Variants in SHQ1 observed in about 807,000 individuals in gnomAD.
SHQ1 encodes protein SHQ1 homolog.
SHQ1 carries 49 observed loss-of-function variants against 53.8 expected under a neutral mutation model. The observed-to-expected ratio is 0.91, with a 90% CI of 0.72 to 1.16. SHQ1 has a LOEUF of 1.16. SHQ1 is among the 50% of genes most tolerant of loss of function. SHQ1 has a pLI of 0.00. For missense variants in SHQ1, 738 were observed against 683.1 expected (o/e 1.08, Z -0.90); for synonymous variants, 243 against 251.0 (o/e 0.97, Z 0.30).
intron 6 of SHQ1, among the ~76,000 whole-genome samples, chr3:72,820,774 A>C (rs1707452551): frequency 1.3e-5 from 2 of 152,190 alleles, no homozygotes; most frequent in South Asian, 2.1e-4. Context: ...TCTCCAGTGA[A>C]ACAAAAGTCA....
intron 10 of SHQ1, among the ~76,000 whole-genome samples, chr3:72,761,350 T>G (rs1267213654): frequency 6.6e-6 from 1 of 152,044 alleles, no homozygotes; most frequent in Non-Finnish European, 1.5e-5. Context: ...TTATAAATTT[T>G]TTGTAGTGAC....
At chr3:72,771,090 G>A (rs1705839144) in intron 10 of SHQ1, among the ~76,000 whole-genome samples, 1 of 152,116 alleles carries the variant, frequency 6.6e-6, no homozygotes, top group African/African-American at 2.4e-5. Context: ...GGTATCTAGT[G>A]GAAGAGTACA....
At position 72,749,845 on chromosome 3, in the gene SHQ1, T is replaced by C; in HGVS notation, c.*439A>G. 8.9e-6 allele frequency: 2 copies of C among 224,746 alleles called. No individual in the cohort carries two copies. Among genetic ancestry groups the C allele is most frequent in the Non-Finnish European group, 1.8e-5 (2 of 112,974 alleles). 13.9% of individuals were successfully genotyped at this position (224,746 alleles called of 1,614,324 possible). On this transcript the variant is annotated 3_prime_UTR_variant, in exon 11 of 11. Coordinates refer to ENST00000325599, the MANE Select transcript of SHQ1 (RefSeq NM_018130.3). ...TAAACATTCATTGGTTGAAAAACAATGTCATAAAGTTGTCCCCGTATCTGT... is the reference window on the plus strand; with the variant it reads ...TAAACATTCATTGGTTGAAAAACAACGTCATAAAGTTGTCCCCGTATCTGT...
chr3:72,840,543 A>G (rs987989745), intron 4 of SHQ1, among the ~76,000 whole-genome samples: 118 of 148,452 alleles, frequency 7.9e-4, no homozygotes, highest in African/African-American at 2.9e-3. Context: ...CCTTGGCGAC[A>G]GGGTAAGACT....
chr3:72,748,329 C>CAAAAAAAAAAAAAAAAAAAAAA (rs572927520), downstream of SHQ1, among the ~76,000 whole-genome samples: 14 of 58,786 alleles, frequency 2.4e-4, 2 homozygotes, highest in Non-Finnish European at 3.0e-4. Flanking sequence ...ATGAGGCATG[C>CAAAAAAAAAAAAAAAAAAAAAA]AAAAAAAAAA....
intron 6 of SHQ1, among the ~76,000 whole-genome samples, chr3:72,818,880 C>T (rs1340306471): frequency 6.6e-6 from 1 of 152,176 alleles, no homozygotes; most frequent in Non-Finnish European, 1.5e-5. Flanking sequence ...CAGCCAGCAA[C>T]AAAGTAGGGG....
intron 8 of SHQ1, among the ~76,000 whole-genome samples, chr3:72,813,830 C>CTTTTTTT (rs931930903): frequency 7.4e-5 from 8 of 108,190 alleles, no homozygotes; most frequent in Non-Finnish European, 1.3e-4. Context: ...TCCTCTTTTT[C>CTTTTTTT]TTTTTTTTTT....
chr3:72,737,874 G>A, the SHQ1 span, among the ~76,000 whole-genome samples: 3 of 152,204 alleles, frequency 2.0e-5, no homozygotes, highest in South Asian at 4.1e-4. Context: ...GTGCACCAGA[G>A]GCTACAATAA....
rs1242902403 is a variant in SHQ1 at position 72,749,571 on chromosome 3, T to C, written c.*713A>G. The C allele has an allele frequency of 2.3e-5, 5 of 221,188 alleles. No individual in the cohort carries two copies. Among genetic ancestry groups the C allele is most frequent in the Non-Finnish European group, 4.5e-5 (5 of 110,600 alleles). The allele number at this position is 221,188 out of a possible 1,614,324, so 13.7% of individuals were successfully genotyped here. On this transcript the variant is annotated 3_prime_UTR_variant, in exon 11 of 11. Coordinates refer to ENST00000325599, the MANE Select transcript of SHQ1 (RefSeq NM_018130.3). Reference sequence around the variant, plus strand: ...CACAAGGGCACTTGGGAATGATGGGTCCGTTCCTCACTTCAGTTGTGGTGA... The same window carrying C: ...CACAAGGGCACTTGGGAATGATGGGCCCGTTCCTCACTTCAGTTGTGGTGA...
At chr3:72,726,859 T>G in the SHQ1 span, among the ~76,000 whole-genome samples, 1 of 152,130 alleles carries the variant, frequency 6.6e-6, no homozygotes, top group African/African-American at 2.4e-5. Flanking sequence ...AGATCATTGG[T>G]GCCAAATGAA....
chr3:72,742,753 T>C, the SHQ1 span, among the ~76,000 whole-genome samples: 1 of 151,972 alleles, frequency 6.6e-6, no homozygotes, highest in South Asian at 2.1e-4. Context: ...GCCTCCCAAG[T>C]AGCTGGGACT....
At chr3:72,810,487 T>C (rs1707085093) in intron 9 of SHQ1, among the ~76,000 whole-genome samples, 1 of 152,250 alleles carries the variant, frequency 6.6e-6, no homozygotes, top group South Asian at 2.1e-4. Flanking sequence ...ACATTGGTTT[T>C]GAAAGCTCAT....
Position 72,800,330 on chromosome 3 carries a change from A to G in SHQ1, c.1061-7294T>C, listed in dbSNP as rs181950529. 3.6e-3 allele frequency among the ~76,000 whole-genome samples: 549 copies of G among 152,334 alleles called. 15 individuals carry two copies. Among genetic ancestry groups the G allele is most frequent in the Admixed American group, 0.034 (515 of 15,288 alleles). On this transcript the variant is annotated intron_variant, in intron 9 of 10. Transcript: ENST00000325599. ...AGCAGCACGAAACAGACGTTAAGTA[A>G]TTAGGAGCTACCCACTTGCTCTGCA...
the SHQ1 span, among the ~76,000 whole-genome samples, chr3:72,733,524 A>T: frequency 2.6e-5 from 4 of 151,654 alleles, no homozygotes; most frequent in African/African-American, 9.7e-5. Flanking sequence ...AGGAAGAAAA[A>T]GTATAAGGGC....
rs141686071 is a variant in SHQ1 at position 72,749,667 on chromosome 3, A to G, written c.*617T>C. The G allele has an allele frequency of 4.8e-4, 104 of 215,268 alleles. No individual in the cohort carries two copies. The highest frequency in any genetic ancestry group is 2.0e-3 in the African/African-American group (90 of 44,274). 13.3% of individuals were successfully genotyped at this position (215,268 alleles called of 1,614,324 possible). On this transcript the variant is annotated 3_prime_UTR_variant, in exon 11 of 11. Coordinates refer to ENST00000325599, the MANE Select transcript of SHQ1 (RefSeq NM_018130.3). ...GATACGTGCAGTTTATTGGGTGTCA[A>G]GTACACCTCCTAAAATAAAAATATT... is the stretch of plus-strand genomic sequence containing the variant.
At position 72,823,127 on chromosome 3, in the gene SHQ1, C is replaced by T. The variant is rs190561749; in HGVS notation, c.727+1297G>A. 2.7e-3 allele frequency among the ~76,000 whole-genome samples: 360 copies of T among 133,330 alleles called. 6 individuals carry two copies. The East Asian group carries it at 0.035, about 13-fold the overall frequency. The allele number at this position is 133,330 out of a possible 152,430, so 87.5% of individuals were successfully genotyped here. A position where few individuals can be genotyped will look rare whatever the true frequency, so the allele number is the denominator to read the frequency against. ...TTGTGCCACTGCACTCCAGCCTGGG[C>T]GACAGAGCAAGACTCCGTCTCAAAA... is the stretch of plus-strand genomic sequence containing the variant. On this transcript the variant is annotated intron_variant, in intron 6 of 10. Transcript: ENST00000325599.
In SHQ1 at chr3:72,750,765, T is replaced by A; in HGVS notation, c.1253A>T (p.Glu418Val). ...VSLTKAQLGL[E>V]LEELEAAALL... ...TGCTGCTGCTTCTAGTTCTTCCAGT[T>A]CTAACCCCAGCTGGGCCTTTGTAAG... The change falls in exon 11 of 11, where the codon GAA becomes GTA. Residue 418 changes from glutamate (E) to valine (V), a missense_variant. By Grantham distance (121) the Glu-to-Val change is moderately radical (BLOSUM62 -2). Coordinates refer to ENST00000325599, the MANE Select transcript of SHQ1 (RefSeq NM_018130.3). 6.4e-7 allele frequency: 1 copy of A among 1,552,036 alleles called. No homozygotes were observed. The highest frequency in any genetic ancestry group is 8.7e-7 in the Non-Finnish European group (1 of 1,147,184).
the SHQ1 span, among the ~76,000 whole-genome samples, chr3:72,743,504 GAC>G: frequency 6.6e-6 from 1 of 152,222 alleles, no homozygotes; most frequent in Non-Finnish European, 1.5e-5. Context: ...GAAGAAGAAA[GAC>G]ACACTTGATC....
At chr3:72,773,107 C>G in intron 10 of SHQ1, 1 of 776,424 alleles carries the variant, frequency 1.3e-6, no homozygotes, top group Non-Finnish European at 2.3e-6. Flanking sequence ...GGCCAAACTT[C>G]GTGAAATTGA....
Sources: gnomAD v4.1 joint callset for allele counts (sites outside exome capture counted in the v4.1 genomes callset) on GRCh38, gnomAD v4.1.1 for gene constraint, MANE v1.5 for transcripts, NCBI Gene and HGNC (gene_info 2026-07-23, HGNC 2026-07-21) for gene names.